Variants in STARD3 observed in about 807,000 individuals in gnomAD.
STARD3 encodes stAR-related lipid transfer protein 3.
A neutral mutation model predicts 62.0 loss-of-function variants in STARD3; 39 were observed. That is an observed-to-expected ratio of 0.63 (90% CI 0.49 to 0.82). The LOEUF (loss-of-function observed/expected upper bound fraction) is 0.82. Among genes scored for constraint, STARD3 ranks in the 40% least tolerant of loss-of-function variants. The pLI is 0.00. For missense variants in STARD3, 543 were observed against 584.5 expected (o/e 0.93, Z 0.73); for synonymous variants, 229 against 242.4 (o/e 0.94, Z 0.51).
Position 39,660,820 on chromosome 17 carries a change from G to A in STARD3, c.965G>A (p.Arg322Gln), listed in dbSNP as rs763532329. ...GTTGACGGCCCTCAGATCCTGCAGC[G>A]AGTGGAAGACAACACCCTCATCTCC... ...KTVTACQILQ[R>Q]VEDNTLISYD... The change falls in exon 12 of 15, where the codon CGA (arginine) becomes CAA (glutamine). Residue 322 changes from arginine (R) to glutamine (Q), a missense_variant. Arg to Gln is a conservative substitution (Grantham distance 43). Transcript: ENST00000336308. This position sits in a 1 kb window ranked among gnomAD's most constrained non-coding sequence, Gnocchi z 4.8. 14 of 1,586,714 alleles carry A rather than the reference G, an allele frequency of 8.8e-6. No homozygotes were observed. Among genetic ancestry groups the A allele is most frequent in the South Asian group, 2.3e-5 (2 of 86,548 alleles).
intron 1 of STARD3, among the ~76,000 whole-genome samples, chr17:39,650,863 A>G (rs1268675258): frequency 2.6e-5 from 4 of 152,216 alleles, no homozygotes; most frequent in Non-Finnish European, 5.9e-5. Context: ...TTTGTGAAAC[A>G]GATACAAAAG....
In STARD3 at chr17:39,662,302, C is replaced by G. The variant is rs780841246; in HGVS notation, c.1191C>G (p.Pro397=). 58 of 1,613,908 alleles carry G rather than the reference C, an allele frequency of 3.6e-5. No individual in the cohort carries two copies. Among genetic ancestry groups the G allele is most frequent in the Non-Finnish European group, 4.7e-5 (55 of 1,179,986 alleles). The change falls in exon 14 of 15, where the codon CCC becomes CCG. Residue 397 remains proline, a synonymous_variant. Transcript: ENST00000336308. ...GFIVLKSASN[P]RVCTFVWILN... ...TCGTGCTCAAGTCGGCCAGTAACCC[C>G]CGTGTTTGCACCTTTGTCTGGATTC...
Position 39,660,736 on chromosome 17 carries a change from G to A in STARD3, c.955-74G>A. ...CCTGTGGCAATAGCAGTTAGTAAAGGGGCCTGGGGTGTTCCCATCCCTGGG... is the reference window on the plus strand; with the variant it reads ...CCTGTGGCAATAGCAGTTAGTAAAGAGGCCTGGGGTGTTCCCATCCCTGGG... On this transcript the variant is annotated intron_variant, in intron 11 of 14. Coordinates refer to ENST00000336308, the MANE Select transcript of STARD3 (RefSeq NM_006804.4). This position sits in a 1 kb window ranked among gnomAD's most constrained non-coding sequence, Gnocchi z 4.8. The A allele has an allele frequency of 2.7e-6, 4 of 1,503,072 alleles. No individual in the cohort carries two copies. In the South Asian group the frequency reaches 5.2e-5, roughly 20 times the overall value. The allele number at this position is 1,503,072 out of a possible 1,614,324, so 93.1% of individuals were successfully genotyped here. A position where few individuals can be genotyped will look rare whatever the true frequency, so the allele number is the denominator to read the frequency against.
intron 1 of STARD3, among the ~76,000 whole-genome samples, chr17:39,645,562 C>T (rs922117758): frequency 6.6e-6 from 1 of 151,580 alleles, no homozygotes; most frequent in Non-Finnish European, 1.5e-5. Flanking sequence ...CTCCGCTTCC[C>T]GGGTTCAAAT....
chr17:39,652,134 C>T (rs545387644), intron 1 of STARD3, among the ~76,000 whole-genome samples: 2 of 152,228 alleles, frequency 1.3e-5, no homozygotes, highest in South Asian at 2.1e-4. Context: ...TGGACGTGAA[C>T]GTGGGTGTGG....
intron 2 of STARD3, among the ~76,000 whole-genome samples, chr17:39,655,261 C>T (rs2057116060): frequency 6.6e-6 from 1 of 152,206 alleles, no homozygotes; most frequent in Non-Finnish European, 1.5e-5. Context: ...TCATAGCTCA[C>T]TGTAGCCTCC....
Position 39,660,124 on chromosome 17 carries a change from A to T in STARD3, c.796-87A>T. 1 of 1,418,394 alleles carries T rather than the reference A, an allele frequency of 7.1e-7. No homozygotes were observed. The highest frequency in any genetic ancestry group is 1.2e-5 in the South Asian group (1 of 86,816). 87.9% of individuals were successfully genotyped at this position (1,418,394 alleles called of 1,614,324 possible). ...AGTTTTCCACCCTGAGCTGTTAAAA[A>T]CCTGCCCTGCCTGTCACCCATTTCT... is the stretch of plus-strand genomic sequence containing the variant. On this transcript the variant is annotated intron_variant, in intron 9 of 14. Transcript: ENST00000336308. The surrounding 1 kb of genome is among the most constrained non-coding windows in gnomAD (Gnocchi z 4.8).
chr17:39,641,896 C>T (rs1003699624), intron 1 of STARD3, among the ~76,000 whole-genome samples: 1 of 152,178 alleles, frequency 6.6e-6, no homozygotes, highest in Non-Finnish European at 1.5e-5. Context: ...CATGGCCAGG[C>T]ACTGTGACTG....
At position 39,657,019 on chromosome 17, in the gene STARD3, C is replaced by T. The variant is rs1459689964; in HGVS notation, c.231C>T (p.Gly77=). 2 of 1,614,178 alleles carry T rather than the reference C, an allele frequency of 1.2e-6. No individual in the cohort carries two copies. The highest frequency in any genetic ancestry group is 1.7e-5 in the Admixed American group (1 of 60,026). ...TCTCCCTCTCACAGACCAACACAGGCATCCGTAAGAACTTGGAGCAGGAGA... is the reference window on the plus strand; with the variant it reads ...TCTCCCTCTCACAGACCAACACAGGTATCCGTAAGAACTTGGAGCAGGAGA... ...LWIIELNTNT[G]IRKNLEQEII... Residue 77 remains glycine, a synonymous_variant, in exon 3 of 15, where the codon GGC becomes GGT. Coordinates refer to ENST00000336308, the MANE Select transcript of STARD3 (RefSeq NM_006804.4).
chr17:39,658,130 G>A lies in STARD3; in HGVS notation c.429+104G>A, dbSNP rs187434221. The A allele has an allele frequency of 1.9e-4, 248 of 1,281,640 alleles. 1 individual carries two copies. In the East Asian group the frequency reaches 3.4e-3, roughly 18 times the overall value. The allele number at this position is 1,281,640 out of a possible 1,614,324, so 79.4% of individuals were successfully genotyped here. On this transcript the variant is annotated intron_variant, in intron 5 of 14. Transcript: ENST00000336308. ...TTTGGGGTGTCTGTCCCTGTTGTCC[G>A]GGTTAGGGGGAGAGGGAATCCTGTC...
intron 1 of STARD3, among the ~76,000 whole-genome samples, chr17:39,643,434 A>G (rs1475897254): frequency 2.0e-5 from 3 of 152,100 alleles, no homozygotes; most frequent in African/African-American, 4.8e-5. Flanking sequence ...AGTCATCACT[A>G]CAGCTTCTGG....
chr17:39,649,958 G>A (rs1354604270), intron 1 of STARD3, among the ~76,000 whole-genome samples: 1 of 151,472 alleles, frequency 6.6e-6, no homozygotes, highest in Non-Finnish European at 1.5e-5. Flanking sequence ...AAAGCTGTAA[G>A]TTACTGCTCA....
intron 1 of STARD3, among the ~76,000 whole-genome samples, chr17:39,645,592 C>A (rs777623598): frequency 6.6e-6 from 1 of 152,072 alleles, no homozygotes; most frequent in South Asian, 2.1e-4. Context: ...GCCTCATACT[C>A]CCAAGTAGCT....
intron 6 of STARD3, 63 bp from the exon 7 acceptor site, chr17:39,658,659 G>C (rs781573802): frequency 6.3e-7 from 1 of 1,596,912 alleles, no homozygotes; most frequent in African/African-American, 1.3e-5. Context: ...GAGCTTGGGT[G>C]GGGGTACCCC....
At chr17:39,650,366 G>T (rs2057066052) in intron 1 of STARD3, among the ~76,000 whole-genome samples, 1 of 152,246 alleles carries the variant, frequency 6.6e-6, no homozygotes, top group African/African-American at 2.4e-5. Context: ...AGGCAAGGAA[G>T]GGGTCAGAGG....
intron 1 of STARD3, among the ~76,000 whole-genome samples, chr17:39,640,723 G>A (rs977382113): frequency 1.3e-5 from 2 of 152,184 alleles, no homozygotes; most frequent in African/African-American, 4.8e-5. Flanking sequence ...CATCCCTGAT[G>A]ATTCACAGGG....
chr17:39,657,131 A>G, intron 3 of STARD3, 46 bp downstream of exon 3: 1 of 1,584,768 alleles, frequency 6.3e-7, no homozygotes, highest in Non-Finnish European at 8.7e-7. Flanking sequence ...GCAGAGAGGG[A>G]GCAGGGAAAT....
Position 39,659,040 on chromosome 17 carries a change from G to C in STARD3, c.647-11G>C, listed in dbSNP as rs753823880. On this transcript the variant is annotated splice_polypyrimidine_tract_variant and intron_variant, in intron 7 of 14. Coordinates refer to ENST00000336308, the MANE Select transcript of STARD3 (RefSeq NM_006804.4). ...CCCCTTGCCATTGTCATCTGTGCCT[G>C]TTTTCTGCAGGGTCTGACAATGAAT... 61 of 1,614,026 alleles carry C rather than the reference G, an allele frequency of 3.8e-5. No individual in the cohort carries two copies. The highest frequency in any genetic ancestry group is 5.1e-5 in the Non-Finnish European group (60 of 1,180,024).
intron 1 of STARD3, among the ~76,000 whole-genome samples, chr17:39,642,275 G>A (rs1432284740): frequency 1.3e-5 from 2 of 152,166 alleles, no homozygotes; most frequent in African/African-American, 2.4e-5. Flanking sequence ...CTCACCTTAC[G>A]TCTTCTCCCT....
Sources: gnomAD v4.1 joint callset for allele counts (sites outside exome capture counted in the v4.1 genomes callset) on GRCh38, gnomAD v4.1.1 for gene constraint, Gnocchi (gnomAD v3.1) non-coding constraint, MANE v1.5 for transcripts, NCBI Gene and HGNC (gene_info 2026-07-23, HGNC 2026-07-21) for gene names.